HMGB1: variants seen among roughly 807,000 people sequenced by gnomAD.
HMGB1 encodes high mobility group protein B1.
For synonymous variants in HMGB1, 81 were observed against 84.0 expected, an observed-to-expected ratio of 0.96 and a Z score of 0.19; for missense variants, 79 against 253.5, an observed-to-expected ratio of 0.31 and a Z score of 4.67.
chr13:30,596,337 G>A lies in HMGB1; in HGVS notation c.-15+20334C>T, dbSNP rs564645776. Reference sequence around the variant, plus strand: ...CATTCACAAACATCACTCCATGTTGGCCAGATAAGTCTGTCTTTATAGTGG... The same window carrying A: ...CATTCACAAACATCACTCCATGTTGACCAGATAAGTCTGTCTTTATAGTGG... On this transcript the variant is annotated intron_variant, in intron 1 of 4. Transcript: ENST00000405805. 1.4e-3 allele frequency among the ~76,000 whole-genome samples: 211 copies of A among 152,214 alleles called. 1 individual carries two copies. Among genetic ancestry groups the A allele is most frequent in the Middle Eastern group, 3.4e-3 (1 of 294 alleles).
At chr13:30,497,814 CA>C (rs1483818400) in intron 1 of HMGB1, among the ~76,000 whole-genome samples, 3 of 152,136 alleles carry the variant, frequency 2.0e-5, no homozygotes, top group Admixed American at 2.0e-4. Flanking sequence ...GGTAGTATTC[CA>C]TGGTGTAAAT....
intron 1 of HMGB1, among the ~76,000 whole-genome samples, chr13:30,497,460 C>CTT (rs1555234837): frequency 1.1e-5 from 1 of 94,474 alleles, no homozygotes. Flanking sequence ...TTTTTTTTAA[C>CTT]TTTCATTTTA....
chr13:30,478,882 T>G (rs1007578779), intron 1 of HMGB1, among the ~76,000 whole-genome samples: 10 of 149,526 alleles, frequency 6.7e-5, no homozygotes, highest in African/African-American at 2.4e-4. Context: ...TTTTTTTTTT[T>G]TTTTGAGACA....
At chr13:30,552,005 T>C (rs962073419) in intron 1 of HMGB1, among the ~76,000 whole-genome samples, 3 of 152,144 alleles carry the variant, frequency 2.0e-5, no homozygotes, top group Admixed American at 1.3e-4. Flanking sequence ...ATCGCTGCAA[T>C]TTTAAAAATG....
chr13:30,457,926 G>A lies in HMGB1; in HGVS notation c.*3431C>T, dbSNP rs1223591426. The A allele has an allele frequency of 6.6e-6, 1 of 152,026 alleles. No individual in the cohort carries two copies. Among genetic ancestry groups the A allele is most frequent in the East Asian group, 1.9e-4 (1 of 5,200 alleles). 9.4% of individuals were successfully genotyped at this position (152,026 alleles called of 1,614,324 possible). On this transcript the variant is annotated 3_prime_UTR_variant, in exon 5 of 5. Transcript: ENST00000341423. Reference sequence around the variant, plus strand: ...GGATAGACAATCAAATCACTTTCTGGCTTTTATCTACTTTTAAAATACATT... The same window carrying A: ...GGATAGACAATCAAATCACTTTCTGACTTTTATCTACTTTTAAAATACATT...
Position 30,585,081 on chromosome 13 carries a change from T to C in HMGB1, c.-15+31590A>G, listed in dbSNP as rs144263437. 3.3e-3 allele frequency among the ~76,000 whole-genome samples: 494 copies of C among 151,774 alleles called. 5 individuals are homozygous for C. Among genetic ancestry groups the C allele is most frequent in the Middle Eastern group, 0.014 (4 of 294 alleles). Reference sequence around the variant, plus strand: ...GGGAGGACTGCTTGACCCCAGGAGATTGAGGTTGCAGTGAGCCGTGATTGT... The same window carrying C: ...GGGAGGACTGCTTGACCCCAGGAGACTGAGGTTGCAGTGAGCCGTGATTGT... On this transcript the variant is annotated intron_variant, in intron 1 of 4. Coordinates refer to the HMGB1 transcript ENST00000405805.
chr13:30,600,443 A>T (rs1950387632), intron 1 of HMGB1, among the ~76,000 whole-genome samples: 1 of 152,238 alleles, frequency 6.6e-6, no homozygotes, highest in Non-Finnish European at 1.5e-5. Context: ...CCGTCATCTA[A>T]TAAAGCAACC....
At chr13:30,590,009 G>A (rs892166452) in intron 1 of HMGB1, among the ~76,000 whole-genome samples, 5 of 152,054 alleles carry the variant, frequency 3.3e-5, no homozygotes, top group African/African-American at 1.2e-4. Flanking sequence ...AGAGAGGTGG[G>A]CAGTGAGAGG....
chr13:30,590,391 C>A (rs1034603849), intron 1 of HMGB1, among the ~76,000 whole-genome samples: 7 of 151,990 alleles, frequency 4.6e-5, no homozygotes, highest in African/African-American at 1.7e-4. Flanking sequence ...GTAGAGACGG[C>A]GTTTCACCAT....
rs60691018 is a variant in HMGB1 at position 30,500,536 on chromosome 13, A to ATTTT, written c.-14-36846_-14-36843dup. ...ATGTGTGTGCTCCCTCACCTGGCTA[A>ATTTT]TTTTTTTTTTTTTTTTTTTTTTTGA... On this transcript the variant is annotated intron_variant, in intron 1 of 4. Coordinates refer to the HMGB1 transcript ENST00000405805. Among the ~76,000 whole-genome samples the ATTTT allele has an allele frequency of 5.2e-4, 67 of 128,436 alleles. 1 individual carries two copies. Among genetic ancestry groups the ATTTT allele is most frequent in the African/African-American group, 2.2e-3 (66 of 30,436 alleles). 84.3% of individuals were successfully genotyped at this position (128,436 alleles called of 152,430 possible).
intron 1 of HMGB1, among the ~76,000 whole-genome samples, chr13:30,495,475 CT>C (rs1443593914): frequency 2.1e-5 from 3 of 141,516 alleles, no homozygotes; most frequent in Non-Finnish European, 4.6e-5. Context: ...TTTTCTTTTT[CT>C]TTTCTTTTTT....
At chr13:30,525,829 T>G in intron 1 of HMGB1, among the ~76,000 whole-genome samples, 1 of 137,610 alleles carries the variant, frequency 7.3e-6, no homozygotes, top group Non-Finnish European at 1.6e-5. Flanking sequence ...CCTTGACAGG[T>G]GGGGATTACA....
intron 1 of HMGB1, among the ~76,000 whole-genome samples, chr13:30,578,930 C>G (rs926766007): frequency 6.6e-6 from 1 of 152,216 alleles, no homozygotes; most frequent in Admixed American, 6.5e-5. Context: ...CTTAATGAAG[C>G]CTTTCTTAGA....
intron 1 of HMGB1, among the ~76,000 whole-genome samples, chr13:30,494,815 A>G (rs968790600): frequency 2.0e-5 from 3 of 151,250 alleles, no homozygotes; most frequent in African/African-American, 7.3e-5. Context: ...CCCTCCCCCA[A>G]CCCCTGTGCC....
At chr13:30,537,866 AGTTTG>A (rs2137494718) in intron 1 of HMGB1, among the ~76,000 whole-genome samples, 1 of 151,866 alleles carries the variant, frequency 6.6e-6, no homozygotes, top group Non-Finnish European at 1.5e-5. Flanking sequence ...TTCTTCCTTC[AGTTTG>A]GTGAAAATTG....
chr13:30,502,470 C>T (rs1381606791), intron 1 of HMGB1, among the ~76,000 whole-genome samples: 1 of 152,072 alleles, frequency 6.6e-6, no homozygotes, highest in African/African-American at 2.4e-5. Flanking sequence ...AGTTTATTTA[C>T]ATAGAAAACC....
rs78728818 is a variant in HMGB1, at chr13:30,547,563, T to C, written c.-15+69108A>G. 7.3e-3 allele frequency among the ~76,000 whole-genome samples: 1,118 copies of C among 152,248 alleles called. 12 individuals are homozygous for C. Among genetic ancestry groups the C allele is most frequent in the South Asian group, 0.019 (91 of 4,830 alleles). ...CCACTGAGTTTGGGGTGGTTTGCTA[T>C]AGAGCATTATGTTGTCTGTCTAACA... On this transcript the variant is annotated intron_variant, in intron 1 of 4. Transcript: ENST00000405805.
Position 30,559,194 on chromosome 13 carries a change from A to AC in HMGB1, c.-15+57476dup, listed in dbSNP as rs1037435319. On this transcript the variant is annotated intron_variant, in intron 1 of 4. Transcript: ENST00000405805. The surrounding 1 kb of genome is among the most constrained non-coding windows in gnomAD (Gnocchi z 6.6). ...GGAAAAATTGCCCCTGTTGAGAAGC[A>AC]CTGCCTTAGATCATTCCTTACCAAG... Among the ~76,000 whole-genome samples the AC allele has an allele frequency of 6.6e-6, 1 of 152,096 alleles. No individual in the cohort carries two copies. Among genetic ancestry groups the AC allele is most frequent in the African/African-American group, 2.4e-5 (1 of 41,402 alleles).
At chr13:30,566,693 C>T (rs991864234) in intron 1 of HMGB1, among the ~76,000 whole-genome samples, 2 of 152,242 alleles carry the variant, frequency 1.3e-5, no homozygotes, top group East Asian at 3.8e-4. Context: ...ATTCTCATCT[C>T]TTCTTACCAT....
Sources: gnomAD v4.1 joint callset for allele counts (sites outside exome capture counted in the v4.1 genomes callset) on GRCh38, gnomAD v4.1.1 for gene constraint, Gnocchi (gnomAD v3.1) non-coding constraint, MANE v1.5 for transcripts, NCBI Gene and HGNC (gene_info 2026-07-23, HGNC 2026-07-21) for gene names.